Variants in NDST4 observed in about 807,000 individuals in gnomAD.
NDST4 encodes N-deacetylase and N-sulfotransferase 4, also known as N-heparan sulfate sulfotransferase 4.
In NDST4, 63 loss-of-function variants were observed where a neutral mutation model predicts 100.8. The observed-to-expected ratio is 0.62, with a 90% CI of 0.51 to 0.77. The LOEUF is 0.77. NDST4 is among the 30% of genes least tolerant of loss of function. NDST4 has a pLI of 0.00. For missense variants in NDST4, 943 were observed against 1,018.4 expected (o/e 0.93, Z 1.01); for synonymous variants, 377 against 361.8 (o/e 1.04, Z -0.48).
At chr4:114,905,057 C>T (rs1724920881) in intron 6 of NDST4, among the ~76,000 whole-genome samples, 1 of 151,528 alleles carries the variant, frequency 6.6e-6, no homozygotes. Flanking sequence ...AAACAAAAGA[C>T]AGCCTGTAAT....
intron 6 of NDST4, among the ~76,000 whole-genome samples, chr4:114,906,995 TA>T (rs1227649263): frequency 6.6e-6 from 1 of 152,106 alleles, no homozygotes; most frequent in Non-Finnish European, 1.5e-5. Context: ...TAATTTGACA[TA>T]AAAGAAGTAC....
chr4:115,039,817 TAA>T (rs1320798751), intron 2 of NDST4, among the ~76,000 whole-genome samples: 3 of 152,132 alleles, frequency 2.0e-5, no homozygotes, highest in South Asian at 2.1e-4. Flanking sequence ...TACATTTATA[TAA>T]GTCTTACATT....
At chr4:114,843,258 A>G (rs1484286593) in intron 10 of NDST4, among the ~76,000 whole-genome samples, 1 of 152,244 alleles carries the variant, frequency 6.6e-6, no homozygotes, top group Non-Finnish European at 1.5e-5. Flanking sequence ...ACACAAGAAA[A>G]GTTAAGAACT....
chr4:114,930,436 T>A (rs1179801562), intron 6 of NDST4, among the ~76,000 whole-genome samples: 2 of 152,204 alleles, frequency 1.3e-5, no homozygotes, highest in Non-Finnish European at 2.9e-5. Flanking sequence ...GACAGTTTAA[T>A]CTGACAAAGC....
chr4:115,088,076 T>C (rs1236320698), intron 1 of NDST4, among the ~76,000 whole-genome samples: 1 of 151,994 alleles, frequency 6.6e-6, no homozygotes, highest in African/African-American at 2.4e-5. Flanking sequence ...CATTATTTTA[T>C]TTCTATTTCC....
intron 3 of NDST4, among the ~76,000 whole-genome samples, chr4:114,976,581 CTG>C (rs1220498311): frequency 6.6e-6 from 1 of 151,784 alleles, no homozygotes; most frequent in Admixed American, 6.6e-5. Context: ...GAGGGTGAGA[CTG>C]AACATAAGTA....
At chr4:114,858,794 G>C (rs548901613) in intron 7 of NDST4, among the ~76,000 whole-genome samples, 1 of 152,080 alleles carries the variant, frequency 6.6e-6, no homozygotes, top group East Asian at 1.9e-4. Context: ...AGGAATTCTA[G>C]CTCCCATAGC....
At chr4:114,922,289 C>T (rs1260571779) in intron 6 of NDST4, among the ~76,000 whole-genome samples, 1 of 152,124 alleles carries the variant, frequency 6.6e-6, no homozygotes, top group Non-Finnish European at 1.5e-5. Context: ...ATATGATCTT[C>T]CTCTAGAAAC....
chr4:114,951,703 T>C (rs1471105309), intron 4 of NDST4, among the ~76,000 whole-genome samples: 1 of 152,108 alleles, frequency 6.6e-6, no homozygotes, highest in Non-Finnish European at 1.5e-5. Flanking sequence ...AGGTCATCCA[T>C]ATAATAATCG....
chr4:115,031,572 C>T (rs771847882), intron 2 of NDST4, among the ~76,000 whole-genome samples: 6 of 152,008 alleles, frequency 3.9e-5, no homozygotes, highest in Non-Finnish European at 7.4e-5. Context: ...TCAAGTTCTC[C>T]TAAGAAATCT....
intron 5 of NDST4, 126 bp downstream of exon 5, chr4:114,937,192 T>C (rs1324358211): frequency 2.1e-6 from 2 of 933,940 alleles, no homozygotes; most frequent in Non-Finnish European, 3.3e-6. Flanking sequence ...CATTGAGATA[T>C]GTTAGGTATT....
chr4:114,991,522 T>C (rs1249733516), intron 2 of NDST4, among the ~76,000 whole-genome samples: 1 of 152,082 alleles, frequency 6.6e-6, no homozygotes, highest in Admixed American at 6.6e-5. Context: ...CAGCATGTGA[T>C]ATAGGAATAC....
chr4:115,041,955 T>C (rs1041054029), intron 2 of NDST4, among the ~76,000 whole-genome samples: 3 of 152,146 alleles, frequency 2.0e-5, no homozygotes, highest in African/African-American at 7.2e-5. Context: ...ATTTACCAAA[T>C]GTTCATCATA....
chr4:114,929,095 TCCATCCATCCATCCATCC>T, intron 6 of NDST4, among the ~76,000 whole-genome samples: 1 of 128,680 alleles, frequency 7.8e-6, no homozygotes, highest in East Asian at 2.2e-4. Flanking sequence ...CATCCATCCA[TCCATCCATCCATCCATCC>T]ATCTATCTAT....
intron 6 of NDST4, among the ~76,000 whole-genome samples, chr4:114,888,019 T>C (rs750491667): frequency 2.8e-4 from 42 of 151,872 alleles, no homozygotes; most frequent in Non-Finnish European, 5.0e-4. Context: ...CCTGGCCAAC[T>C]TGGCGAAACC....
intron 6 of NDST4, among the ~76,000 whole-genome samples, chr4:114,913,967 T>C (rs1560809735): frequency 6.6e-6 from 1 of 151,918 alleles, no homozygotes; most frequent in Non-Finnish European, 1.5e-5. Context: ...ATACAGAAAA[T>C]CTCCTTTCAA....
intron 4 of NDST4, among the ~76,000 whole-genome samples, chr4:114,939,108 C>G (rs1725694995): frequency 6.6e-6 from 1 of 152,160 alleles, no homozygotes; most frequent in Non-Finnish European, 1.5e-5. Flanking sequence ...ACTGGGACAG[C>G]CTTAGTTCTC....
chr4:114,836,525 C>T (rs1055063112), intron 11 of NDST4, among the ~76,000 whole-genome samples: 2 of 152,106 alleles, frequency 1.3e-5, no homozygotes, highest in South Asian at 2.1e-4. Context: ...GTAACCTGAC[C>T]TTTCTCTCTG....
rs543671305 is a variant in NDST4, at chr4:114,857,078, A to C, written c.1720-4257T>G. ...AGCCACCCTCACACTTGGGCTTTAT[A>C]TGCTGGAAGATTCATGATACTATGG... On this transcript the variant is annotated intron_variant, in intron 7 of 13. Coordinates refer to ENST00000264363, the MANE Select transcript of NDST4 (RefSeq NM_022569.3). Among the ~76,000 whole-genome samples the C allele has an allele frequency of 6.6e-5, 10 of 152,320 alleles. No homozygotes were observed. The South Asian group carries it at 2.1e-3, about 32-fold the overall frequency.
Sources: allele counts gnomAD v4.1 joint callset (sites outside exome capture counted in the v4.1 genomes callset), GRCh38; gene constraint gnomAD v4.1.1; transcripts MANE v1.5; gene names NCBI Gene and HGNC (gene_info 2026-07-23, HGNC 2026-07-21).